Variants in NTN1 observed in about 807,000 individuals in gnomAD.
NTN1 encodes the protein netrin 1.
A neutral mutation model predicts 54.2 loss-of-function variants in NTN1; 11 were observed. The ratio of observed to expected loss-of-function variants is 0.20; its 90% CI spans 0.13 to 0.34. The LOEUF (loss-of-function observed/expected upper bound fraction) is 0.34, where lower values mean the gene tolerates loss of function less well. NTN1 is among the 10% of genes least tolerant of loss of function. The pLI is 1.00. For missense variants in NTN1, 740 were observed against 893.1 expected (o/e 0.83, Z 2.18); for synonymous variants, 371 against 382.0 (o/e 0.97, Z 0.33).
At chr17:9,112,438 C>T (rs59551545) in intron 2 of NTN1, among the ~76,000 whole-genome samples, 14,195 of 152,144 alleles carry the variant, frequency 0.093, 794 homozygotes, top group Non-Finnish European at 0.12. Context: ...ATGTTCCCAG[C>T]GAGATTATTT....
chr17:9,087,389 G>A (rs2092093047), intron 2 of NTN1, among the ~76,000 whole-genome samples: 1 of 152,148 alleles, frequency 6.6e-6, no homozygotes, highest in Non-Finnish European at 1.5e-5. Context: ...TGTAGGGCAA[G>A]GTCTGATCCT....
chr17:9,224,202 AG>A (rs71361877), intron 6 of NTN1, among the ~76,000 whole-genome samples: 34,311 of 151,936 alleles, frequency 0.23, 4,152 homozygotes, highest in African/African-American at 0.27. Flanking sequence ...ACAATATTCC[AG>A]GGGGCACCTT....
intron 5 of NTN1, among the ~76,000 whole-genome samples, chr17:9,192,029 T>G (rs912878411): frequency 6.6e-6 from 1 of 150,852 alleles, no homozygotes; most frequent in East Asian, 1.9e-4. Context: ...AAATAAAAAG[T>G]AATTATTCTC....
chr17:9,074,762 A>G (rs1014712975), intron 2 of NTN1, among the ~76,000 whole-genome samples: 13 of 152,158 alleles, frequency 8.5e-5, no homozygotes, highest in Non-Finnish European at 1.5e-4. Context: ...TTGACACCCA[A>G]GGGTTGAGGC....
chr17:9,116,084 T>C (rs1352949615), intron 2 of NTN1, among the ~76,000 whole-genome samples: 1 of 152,212 alleles, frequency 6.6e-6, no homozygotes, highest in Non-Finnish European at 1.5e-5. Flanking sequence ...TCATCTTGCT[T>C]GGTTAACCGA....
At chr17:9,046,113 A>T (rs1323803808) in intron 2 of NTN1, among the ~76,000 whole-genome samples, 1 of 152,224 alleles carries the variant, frequency 6.6e-6, no homozygotes, top group African/African-American at 2.4e-5. Context: ...AAGACAACCC[A>T]TGGGATGGGG....
intron 2 of NTN1, among the ~76,000 whole-genome samples, chr17:9,110,442 G>A (rs1240265510): frequency 2.0e-5 from 3 of 152,010 alleles, no homozygotes; most frequent in Non-Finnish European, 2.9e-5. Flanking sequence ...GCTACTTTTT[G>A]TGTTTTTAGT....
At chr17:9,228,908 C>CTGAGTGTG (rs11281340) in intron 6 of NTN1, among the ~76,000 whole-genome samples, 1 of 149,502 alleles carries the variant, frequency 6.7e-6, no homozygotes, top group Non-Finnish European at 1.5e-5. Context: ...GTGTTCGTGA[C>CTGAGTGTG]TGTGTGTGAC....
At chr17:9,188,655 AGTC>A (rs571223478) in intron 5 of NTN1, among the ~76,000 whole-genome samples, 2 of 152,230 alleles carry the variant, frequency 1.3e-5, no homozygotes, top group South Asian at 4.2e-4. Flanking sequence ...GGATGGCGGA[AGTC>A]GTCTGTCGTC....
chr17:9,176,807 C>G (rs1347022536), intron 3 of NTN1: 1 of 152,198 alleles, frequency 6.6e-6, no homozygotes, highest in Non-Finnish European at 1.5e-5. Flanking sequence ...GGGTAGTTCC[C>G]TCAGAGATCC....
intron 2 of NTN1, among the ~76,000 whole-genome samples, chr17:9,118,401 C>T (rs970283395): frequency 1.7e-4 from 26 of 152,068 alleles, no homozygotes; most frequent in Admixed American, 3.9e-4. Flanking sequence ...ACCTGTAGTC[C>T]CAGCTATCCG....
upstream of NTN1, chr17:9,021,499 C>T (rs1318452295): frequency 6.6e-6 from 1 of 152,132 alleles, no homozygotes; most frequent in Middle Eastern, 3.4e-3. Flanking sequence ...CCGCGCTCCC[C>T]TCCGCCCCTC....
chr17:9,023,487 G>A (rs1448956553), intron 2 of NTN1, 96 bp downstream of exon 2: 6 of 1,285,990 alleles, frequency 4.7e-6, no homozygotes, highest in Non-Finnish European at 5.9e-6. Flanking sequence ...CGCGGGTCGA[G>A]GGAACGGCGG....
chr17:9,086,881 A>G (rs2092091680), intron 2 of NTN1, among the ~76,000 whole-genome samples: 1 of 151,964 alleles, frequency 6.6e-6, no homozygotes, highest in South Asian at 2.1e-4. Flanking sequence ...CCTCCTTCTC[A>G]ATATCACCAT....
intron 4 of NTN1, 28 bp from the exon 5 acceptor site, chr17:9,182,888 C>A: frequency 6.2e-7 from 1 of 1,613,002 alleles, no homozygotes; most frequent in African/African-American, 1.3e-5. Flanking sequence ...TCTCTCCTCC[C>A]CTCGCCCCCG....
chr17:9,161,481 T>C (rs1210732401), intron 2 of NTN1, among the ~76,000 whole-genome samples: 1 of 152,068 alleles, frequency 6.6e-6, no homozygotes, highest in Non-Finnish European at 1.5e-5. Context: ...AGATTGGTGC[T>C]TAGAAATCCT....
chr17:9,081,764 A>C lies in NTN1; in HGVS notation c.1018+58373A>C, dbSNP rs917510578. The stretch of plus-strand genomic sequence containing the variant: ...GGGGTCAGGGGTGGGATAGCCATAG[A>C]GGAAGCACTTTCATGCCTTAAGGTT... On this transcript the variant is annotated intron_variant, in intron 2 of 6. Coordinates refer to ENST00000173229, the MANE Select transcript of NTN1 (RefSeq NM_004822.3). Among the ~76,000 whole-genome samples the C allele has an allele frequency of 1.3e-4, 20 of 152,354 alleles. No individual in the cohort carries two copies. The South Asian group carries it at 2.5e-3, about 19-fold the overall frequency.
chr17:9,190,784 G>A (rs113360851), intron 5 of NTN1, among the ~76,000 whole-genome samples: 3 of 152,226 alleles, frequency 2.0e-5, no homozygotes, highest in East Asian at 1.9e-4. Context: ...CCTTGGAAGC[G>A]GAGGTTGCAG....
At chr17:9,172,473 C>T (rs922912713) in intron 3 of NTN1, among the ~76,000 whole-genome samples, 39 of 150,390 alleles carry the variant, frequency 2.6e-4, no homozygotes, top group Admixed American at 6.6e-4. Context: ...AGCGAGACTC[C>T]GTCTCAAAAA....
Sources: gnomAD v4.1 joint callset for allele counts (sites outside exome capture counted in the v4.1 genomes callset) on GRCh38, gnomAD v4.1.1 for gene constraint, MANE v1.5 for transcripts, NCBI Gene and HGNC (gene_info 2026-07-23, HGNC 2026-07-21) for gene names.